The following ZNF99 variants were observed in gnomAD, a reference collection of about 807,000 sequenced individuals.
ZNF99 encodes zinc finger protein 99.
ZNF99 carries 8 observed loss-of-function variants against 12.8 expected under a neutral mutation model. The observed-to-expected ratio is 0.62, with a 90% CI of 0.37 to 1.13. The LOEUF (loss-of-function observed/expected upper bound fraction) is 1.13, where lower values mean the gene tolerates loss of function less well. Ranked by LOEUF, ZNF99 falls within the 50% of genes most tolerant of loss-of-function variation. The probability of loss-of-function intolerance (pLI) is 0.02; values close to 1 mark genes in which losing one functional copy is unlikely to be tolerated. For synonymous variants in ZNF99, 318 were observed against 319.0 expected, an observed-to-expected ratio of 1.00 and a Z score of 0.03; for missense variants, 1,007 against 1,006.2, an observed-to-expected ratio of 1.00 and a Z score of -0.01.
At chr19:22,767,495 G>T (rs2145150311) in intron 3 of ZNF99, among the ~76,000 whole-genome samples, 1 of 152,160 alleles carries the variant, frequency 6.6e-6, no homozygotes, top group South Asian at 2.1e-4. Context: ...TATGCTTTAA[G>T]TCAAGTACTA....
At chr19:22,761,611 G>C (rs1274233610) in intron 3 of ZNF99, among the ~76,000 whole-genome samples, 1 of 152,046 alleles carries the variant, frequency 6.6e-6, no homozygotes. Context: ...ATAAAAAATG[G>C]ATTTAAACTA....
intron 1 of ZNF99, chr19:22,770,497 C>G (rs1206016315): frequency 6.6e-6 from 1 of 152,500 alleles, no homozygotes; most frequent in African/African-American, 2.4e-5. Flanking sequence ...GCTGGGACTA[C>G]AGGCGCGTGC....
rs1568382258 is a variant in ZNF99 at position 22,757,174 on chromosome 19, CT to C, written c.*139del. The C allele has an allele frequency of 6.2e-7, 1 of 1,610,854 alleles. No homozygotes were observed. The highest frequency in any genetic ancestry group is 2.2e-5 in the East Asian group (1 of 44,618). The stretch of plus-strand genomic sequence containing the variant: ...CTTTATGTCTAGTAAGGTGTGAGGA[CT>C]GCTTAAAAGCTTTGCCACATTCTTC... On this transcript the variant is annotated 3_prime_UTR_variant, in exon 4 of 4. Coordinates refer to ENST00000596209, the MANE Select transcript of ZNF99 (RefSeq NM_001080409.3).
At chr19:22,768,424 A>G (rs759991432) in intron 2 of ZNF99, 24 bp from the exon 3 acceptor site, 23 of 1,578,604 alleles carry the variant, frequency 1.5e-5, no homozygotes, top group Non-Finnish European at 2.0e-5. Flanking sequence ...AATAAATAAC[A>G]TAAATATTGC....
chr19:22,759,809 A>T (rs540064718), intron 3 of ZNF99, 127 bp from the exon 4 acceptor site: 7 of 608,668 alleles, frequency 1.2e-5, no homozygotes, highest in Non-Finnish European at 1.8e-5. Flanking sequence ...GACAGGCCCT[A>T]ATTTCTTCAT....
At chr19:22,776,617 T>C (rs1484479018) in intron 1 of ZNF99, among the ~76,000 whole-genome samples, 1 of 150,962 alleles carries the variant, frequency 6.6e-6, no homozygotes, top group East Asian at 1.9e-4. Context: ...TATGCGCTGC[T>C]GCTAGGAGTG....
chr19:22,761,303 C>T (rs527682046), intron 3 of ZNF99, among the ~76,000 whole-genome samples: 66 of 152,030 alleles, frequency 4.3e-4, no homozygotes, highest in African/African-American at 1.5e-3. Flanking sequence ...CAGAGAATCC[C>T]GCAATATCAT....
chr19:22,769,954 C>T, intron 1 of ZNF99: 1 of 1,361,594 alleles, frequency 7.3e-7, no homozygotes, highest in Non-Finnish European at 9.8e-7. Context: ...CAGAATAAGT[C>T]TTGTACATTT....
intron 3 of ZNF99, among the ~76,000 whole-genome samples, chr19:22,764,360 T>C (rs983468856): frequency 2.0e-5 from 3 of 152,104 alleles, no homozygotes; most frequent in Admixed American, 6.5e-5. Flanking sequence ...TTCTAGAACA[T>C]TGGAAAAACC....
chr19:22,776,217 G>A (rs1398088972), intron 1 of ZNF99, among the ~76,000 whole-genome samples: 8 of 151,096 alleles, frequency 5.3e-5, no homozygotes, highest in South Asian at 2.1e-4. Flanking sequence ...TGGGTGTGGT[G>A]GCAGGCGCCT....
intron 1 of ZNF99, among the ~76,000 whole-genome samples, chr19:22,771,489 TC>T (rs1344972260): frequency 2.0e-5 from 3 of 151,574 alleles, no homozygotes; most frequent in Non-Finnish European, 2.9e-5. Context: ...TCTCCTGACC[TC>T]GTGATCCGCC....
At chr19:22,779,172 C>T (rs1180256212) in intron 1 of ZNF99, among the ~76,000 whole-genome samples, 1 of 152,100 alleles carries the variant, frequency 6.6e-6, no homozygotes, top group Non-Finnish European at 1.5e-5. Context: ...TCTTTTCTTA[C>T]CTATCACATA....
Position 22,758,815 on chromosome 19 carries a change from T to G in ZNF99, c.1094A>C (p.Glu365Ala), listed in dbSNP as rs58653025. The G allele has an allele frequency of 6.2e-7, 1 of 1,612,536 alleles. No individual in the cohort carries two copies. Among genetic ancestry groups the G allele is most frequent in the African/African-American group, 1.3e-5 (1 of 74,580 alleles). Residue 365 changes from glutamate (E) to alanine (A), a missense_variant, in exon 4 of 4, where the codon GAA becomes GCA. Physicochemically the swap from Glu to Ala is moderately radical, Grantham distance 107 (BLOSUM62 -1). Transcript: ENST00000596209. ...TLRKHEIIHTEEKPYKYEECG... is the reference protein window; with the variant it reads ...TLRKHEIIHTAEKPYKYEECG... The stretch of plus-strand genomic sequence containing the variant: ...TTCTTCATATTTGTAGGGTTTCTCT[T>G]CAGTATGAATTATCTCATGTTTTCT...
chr19:22,769,108 T>A, intron 2 of ZNF99, 90 bp downstream of exon 2: 1 of 1,383,644 alleles, frequency 7.2e-7, no homozygotes, highest in Non-Finnish European at 9.8e-7. Context: ...TTATTTATGC[T>A]AAGCATAAAT....
At position 22,756,662 on chromosome 19, in the gene ZNF99, G is replaced by C. The variant is rs1416982751; in HGVS notation, c.*652C>G. ...GTATGAATTATCTTATGTTTCATAA[G>C]GGTCGAGAAATTGTTAAAACCTTTG... On this transcript the variant is annotated 3_prime_UTR_variant, in exon 4 of 4. Coordinates refer to ENST00000596209, the MANE Select transcript of ZNF99 (RefSeq NM_001080409.3). 12 of 1,586,042 alleles carry C rather than the reference G, an allele frequency of 7.6e-6. 1 individual carries two copies. The highest frequency in any genetic ancestry group is 6.8e-5 in the Admixed American group (4 of 59,090).
chr19:22,755,224 C>A lies in ZNF99; in HGVS notation c.*2090G>T. On this transcript the variant is annotated 3_prime_UTR_variant, in exon 4 of 4. Transcript: ENST00000596209. ...ACATTTGTAGGGTTTTTCTCCAGTA[C>A]GAATTTTCTTATGTCTAATAAAGTT... 7.5e-6 allele frequency: 2 copies of A among 265,568 alleles called. No individual in the cohort carries two copies. Among genetic ancestry groups the A allele is most frequent in the Middle Eastern group, 5.1e-4 (1 of 1,948 alleles). The allele number at this position is 265,568 out of a possible 1,614,324, so 16.5% of individuals were successfully genotyped here. A position where few individuals can be genotyped will look rare whatever the true frequency, so the allele number is the denominator to read the frequency against.
In ZNF99 at chr19:22,757,017, C is replaced by T. The variant is rs1973071022; in HGVS notation, c.*297G>A. ...CTAAGGGCTGAGAAATTGCTAAAAG[C>T]TTTGCCACATTCTTCACATTTGTAC... On this transcript the variant is annotated 3_prime_UTR_variant, in exon 4 of 4. Coordinates refer to ENST00000596209, the MANE Select transcript of ZNF99 (RefSeq NM_001080409.3). 6.2e-7 allele frequency: 1 copy of T among 1,612,848 alleles called. No individual in the cohort carries two copies. The highest frequency in any genetic ancestry group is 1.1e-5 in the South Asian group (1 of 91,004).
rs1973036992 is a variant in ZNF99 at position 22,755,399 on chromosome 19, T to C, written c.*1915A>G. 1 of 298,696 alleles carries C rather than the reference T, an allele frequency of 3.3e-6. No individual in the cohort carries two copies. The highest frequency in any genetic ancestry group is 8.4e-5 in the East Asian group (1 of 11,958). 18.5% of individuals were successfully genotyped at this position (298,696 alleles called of 1,614,324 possible). Reference sequence around the variant, plus strand: ...GGTTTCTCTTCAGTATGAATTATCTTATGTTCAGTAAGGTTTGAGGACCAG... The same window carrying C: ...GGTTTCTCTTCAGTATGAATTATCTCATGTTCAGTAAGGTTTGAGGACCAG... On this transcript the variant is annotated 3_prime_UTR_variant, in exon 4 of 4. Coordinates refer to ENST00000596209, the MANE Select transcript of ZNF99 (RefSeq NM_001080409.3).
intron 1 of ZNF99, among the ~76,000 whole-genome samples, chr19:22,772,374 T>C (rs1027581300): frequency 1.1e-4 from 16 of 152,226 alleles, no homozygotes; most frequent in African/African-American, 3.8e-4. Flanking sequence ...CTTCAAAAGA[T>C]GAATACATAG....
Sources: allele counts gnomAD v4.1 joint callset (sites outside exome capture counted in the v4.1 genomes callset), GRCh38; gene constraint gnomAD v4.1.1; transcripts MANE v1.5; gene names NCBI Gene and HGNC (gene_info 2026-07-23, HGNC 2026-07-21).